PDE4B: variants seen among roughly 807,000 people sequenced by gnomAD.
The protein encoded by PDE4B is 3',5'-cyclic-AMP phosphodiesterase 4B.
Under a neutral mutation model 82.2 loss-of-function variants are expected in PDE4B, and 20 were observed. That is an observed-to-expected ratio of 0.24 (90% CI 0.17 to 0.35). The LOEUF is 0.35. Ranked by LOEUF, PDE4B falls within the 10% of genes least tolerant of loss-of-function variation. The pLI is 1.00. For missense variants in PDE4B, 655 were observed against 907.2 expected (o/e 0.72, Z 3.57); for synonymous variants, 320 against 318.9 (o/e 1.00, Z -0.04).
intron 7 of PDE4B, among the ~76,000 whole-genome samples, chr1:66,294,852 A>G (rs1213942092): frequency 1.3e-5 from 2 of 152,172 alleles, no homozygotes; most frequent in African/African-American, 4.8e-5. Flanking sequence ...CAGTAAAAGA[A>G]AAAAAGAGAA....
rs191300773 is a variant in PDE4B, at chr1:65,866,387, A to G, written c.-70-46858A>G. 3.0e-3 allele frequency among the ~76,000 whole-genome samples: 451 copies of G among 152,278 alleles called. 1 individual carries two copies. Among genetic ancestry groups the G allele is most frequent in the Middle Eastern group, 0.01 (3 of 294 alleles). ...GAGGCAGCAGAATTGTCACTAACAC[A>G]CTCAAACTCAATCAAAATAAAGATT... On this transcript the variant is annotated intron_variant, in intron 1 of 16. Coordinates refer to ENST00000341517, the MANE Select transcript of PDE4B (RefSeq NM_002600.4).
intron 1 of PDE4B, among the ~76,000 whole-genome samples, chr1:65,833,371 C>T (rs560719643): frequency 1.3e-5 from 2 of 152,278 alleles, no homozygotes; most frequent in South Asian, 2.1e-4. Context: ...GACTTTAAGG[C>T]GTCTGAGGTC....
At chr1:65,832,085 G>T (rs1317155603) in intron 1 of PDE4B, among the ~76,000 whole-genome samples, 1 of 152,084 alleles carries the variant, frequency 6.6e-6, no homozygotes, top group Non-Finnish European at 1.5e-5. Context: ...CCACTATATT[G>T]CTGTGAATTT....
intron 3 of PDE4B, among the ~76,000 whole-genome samples, chr1:66,003,606 A>G (rs936203692): frequency 6.6e-6 from 1 of 152,272 alleles, no homozygotes; most frequent in Middle Eastern, 3.4e-3. Context: ...CTGATCCTCT[A>G]CAAAATTAAT....
intron 7 of PDE4B, among the ~76,000 whole-genome samples, chr1:66,290,604 T>C (rs938397031): frequency 6.6e-6 from 1 of 152,190 alleles, no homozygotes; most frequent in African/African-American, 2.4e-5. Context: ...TAACCCAAAA[T>C]GCAAATGGAT....
At chr1:65,920,673 G>A (rs1196812725) in intron 3 of PDE4B, among the ~76,000 whole-genome samples, 1 of 152,150 alleles carries the variant, frequency 6.6e-6, no homozygotes, top group Non-Finnish European at 1.5e-5. Context: ...TAGGTAATCA[G>A]CAAATGTTGA....
chr1:66,357,179 C>T (rs765641977), intron 9 of PDE4B, among the ~76,000 whole-genome samples: 2 of 152,200 alleles, frequency 1.3e-5, no homozygotes, highest in Admixed American at 6.5e-5. Flanking sequence ...GGCTTGAAGA[C>T]TTCTCAGAAG....
Position 66,158,906 on chromosome 1 carries a change from A to G in PDE4B, c.282-88554A>G, listed in dbSNP as rs141046407. Reference sequence around the variant, plus strand: ...CTAAAAAAGATGATCTCATAAAAGTAGAGATTAGAATAGTGGTTACCAGAT... The same window carrying G: ...CTAAAAAAGATGATCTCATAAAAGTGGAGATTAGAATAGTGGTTACCAGAT... On this transcript the variant is annotated intron_variant, in intron 3 of 16. Coordinates refer to ENST00000341517, the MANE Select transcript of PDE4B (RefSeq NM_002600.4). Among the ~76,000 whole-genome samples the G allele has an allele frequency of 8.5e-3, 1,291 of 152,334 alleles. 29 individuals carry two copies. Among genetic ancestry groups the G allele is most frequent in the African/African-American group, 0.029 (1,205 of 41,574 alleles).
intron 7 of PDE4B, among the ~76,000 whole-genome samples, chr1:66,281,718 A>G (rs1202675524): frequency 2.6e-5 from 4 of 152,264 alleles, no homozygotes; most frequent in Admixed American, 6.5e-5. Context: ...AGGAGGTGTT[A>G]TCACAATATC....
chr1:66,170,023 A>G (rs1387518464), intron 3 of PDE4B, among the ~76,000 whole-genome samples: 1 of 152,230 alleles, frequency 6.6e-6, no homozygotes, highest in Non-Finnish European at 1.5e-5. Flanking sequence ...ATGCCATCAG[A>G]AAGAAAAATA....
chr1:66,193,542 C>A (rs1437407464), intron 3 of PDE4B, among the ~76,000 whole-genome samples: 2 of 152,066 alleles, frequency 1.3e-5, no homozygotes, highest in Non-Finnish European at 2.9e-5. Context: ...GAAATGTTAT[C>A]ATCTCAGAGC....
chr1:66,129,659 C>CAAAAA (rs59846345), intron 3 of PDE4B, among the ~76,000 whole-genome samples: 2 of 94,776 alleles, frequency 2.1e-5, no homozygotes, highest in African/African-American at 9.3e-5. Flanking sequence ...GACTCCGTCT[C>CAAAAA]AAAAAAAAAA....
chr1:66,249,827 A>T (rs1653617727), intron 4 of PDE4B, among the ~76,000 whole-genome samples: 1 of 152,244 alleles, frequency 6.6e-6, no homozygotes, highest in African/African-American at 2.4e-5. Context: ...TCATAATAAA[A>T]AGCAGCCTTT....
At chr1:66,148,481 A>C (rs1646319458) in intron 3 of PDE4B, among the ~76,000 whole-genome samples, 1 of 152,130 alleles carries the variant, frequency 6.6e-6, no homozygotes, top group Non-Finnish European at 1.5e-5. Context: ...TGTTTTTTAA[A>C]CATCTTTATT....
intron 3 of PDE4B, among the ~76,000 whole-genome samples, chr1:66,144,186 A>G (rs1646226289): frequency 6.6e-6 from 1 of 152,244 alleles, no homozygotes; most frequent in South Asian, 2.1e-4. Context: ...GTACCGTGCA[A>G]ACGGTTCCAG....
At chr1:66,092,100 T>G (rs1645036843) in intron 3 of PDE4B, among the ~76,000 whole-genome samples, 1 of 152,062 alleles carries the variant, frequency 6.6e-6, no homozygotes, top group Non-Finnish European at 1.5e-5. Context: ...ACTCCTTTGG[T>G]TTTTCCAGTG....
At chr1:66,057,504 CT>C (rs1216218827) in intron 3 of PDE4B, among the ~76,000 whole-genome samples, 8 of 152,110 alleles carry the variant, frequency 5.3e-5, no homozygotes, top group Admixed American at 5.2e-4. Context: ...CATTTTCATG[CT>C]GCTGATAAAG....
intron 3 of PDE4B, among the ~76,000 whole-genome samples, chr1:66,123,950 A>G (rs1645766903): frequency 6.6e-6 from 1 of 152,210 alleles, no homozygotes; most frequent in Non-Finnish European, 1.5e-5. Context: ...CAGCTCATGA[A>G]AGTTTTTAAA....
intron 3 of PDE4B, among the ~76,000 whole-genome samples, chr1:65,941,244 A>G (rs1384360132): frequency 6.6e-6 from 1 of 152,052 alleles, no homozygotes; most frequent in Non-Finnish European, 1.5e-5. Context: ...GAGCTTGGGC[A>G]TCAGCACTGA....
Sources: gnomAD v4.1 joint callset for allele counts (sites outside exome capture counted in the v4.1 genomes callset) on GRCh38, gnomAD v4.1.1 for gene constraint, MANE v1.5 for transcripts, NCBI Gene and HGNC (gene_info 2026-07-23, HGNC 2026-07-21) for gene names.